TDRD7: variants seen among roughly 807,000 people sequenced by gnomAD.
TDRD7 encodes tudor domain containing 7, also known as tudor domain-containing protein 7.
A neutral mutation model predicts 109.8 loss-of-function variants in TDRD7; 47 were observed. That is an observed-to-expected ratio of 0.43 (90% CI 0.34 to 0.55). The LOEUF is 0.55. Among genes scored for constraint, TDRD7 ranks in the 20% least tolerant of loss-of-function variants. The pLI is 0.03. For synonymous variants in TDRD7, 424 were observed against 457.3 expected (o/e 0.93, Z 0.93); for missense variants, 1,164 against 1,319.2 (o/e 0.88, Z 1.82).
chr9:97,423,763 A>G (rs1827936925), intron 1 of TDRD7, among the ~76,000 whole-genome samples: 1 of 151,954 alleles, frequency 6.6e-6, no homozygotes, highest in African/African-American at 2.4e-5. Flanking sequence ...TTTCTCTTTG[A>G]CCCTTGGTTA....
At chr9:97,430,725 G>A (rs1828089375) in intron 2 of TDRD7, among the ~76,000 whole-genome samples, 1 of 152,154 alleles carries the variant, frequency 6.6e-6, no homozygotes, top group Non-Finnish European at 1.5e-5. Flanking sequence ...GTTTAGGAAA[G>A]ATAATTCAAT....
intron 7 of TDRD7, among the ~76,000 whole-genome samples, chr9:97,461,514 C>T (rs535739279): frequency 1.3e-5 from 2 of 152,178 alleles, no homozygotes; most frequent in South Asian, 2.1e-4. Flanking sequence ...CTTTCAGTAT[C>T]GTTGCCTGAG....
rs887898280 is a variant in TDRD7 at position 97,460,511 on chromosome 9, C to A, written c.1189C>A (p.Pro397Thr). The A allele has an allele frequency of 1.2e-6, 2 of 1,614,206 alleles. No homozygotes were observed. Among genetic ancestry groups the A allele is most frequent in the Non-Finnish European group, 1.7e-6 (2 of 1,180,046 alleles). Residue 397 changes from proline to threonine, a missense_variant, in exon 7 of 17, where the codon CCC becomes ACC. By Grantham distance (38) the Pro-to-Thr change is conservative. Transcript: ENST00000355295. ...VCSIDYISGNPQKAILYAKLP... is the reference protein window; with the variant it reads ...VCSIDYISGNTQKAILYAKLP... Reference sequence around the variant, plus strand: ...CAGCATAGACTACATTTCTGGAAATCCCCAGAAGGCCATTCTCTATGCTAA... The same window carrying A: ...CAGCATAGACTACATTTCTGGAAATACCCAGAAGGCCATTCTCTATGCTAA...
chr9:97,424,403 T>A (rs1206049653), intron 1 of TDRD7, among the ~76,000 whole-genome samples: 1 of 152,176 alleles, frequency 6.6e-6, no homozygotes, highest in African/African-American at 2.4e-5. Flanking sequence ...CTACTGGTTC[T>A]ATCTATTGAC....
intron 6 of TDRD7, among the ~76,000 whole-genome samples, chr9:97,443,218 A>G (rs1828343048): frequency 6.6e-6 from 1 of 152,164 alleles, no homozygotes; most frequent in African/African-American, 2.4e-5. Flanking sequence ...GTGCACTTGC[A>G]TGTGCTAATT....
intron 6 of TDRD7, among the ~76,000 whole-genome samples, chr9:97,449,492 A>T (rs1402377332): frequency 6.6e-6 from 1 of 152,206 alleles, no homozygotes; most frequent in African/African-American, 2.4e-5. Flanking sequence ...TCAGGCAAAC[A>T]GTTATATTTA....
In TDRD7 at chr9:97,441,616, G is replaced by A. The variant is rs760991285; in HGVS notation, c.638-42G>A. The stretch of plus-strand genomic sequence containing the variant: ...TTAGGTAATGGGGATAATCTAAAAT[G>A]TTAAGCATTTTGGTTAATTCTATTA... On this transcript the variant is annotated intron_variant, in intron 5 of 16. Coordinates refer to ENST00000355295, the MANE Select transcript of TDRD7 (RefSeq NM_014290.3). The A allele has an allele frequency of 6.9e-5, 103 of 1,500,432 alleles. 1 individual carries two copies. Among genetic ancestry groups the A allele is most frequent in the Non-Finnish European group, 8.9e-5 (98 of 1,097,492 alleles). The allele number at this position is 1,500,432 out of a possible 1,614,324, so 92.9% of individuals were successfully genotyped here.
rs78820996 is a variant in TDRD7, at chr9:97,482,925, G to A, written c.2489G>A (p.Arg830His). Reference protein sequence around the residue: ...FTPKNFPDPHRSINRQITNAD... With the variant: ...FTPKNFPDPHHSINRQITNAD... ...CCTAAGAACTTCCCTGACCCTCATC[G>A]CAGTATTAATCGCCAGATTACAAAT... The change falls in exon 15 of 17, where the codon CGC becomes CAC. Residue 830 changes from arginine (R) to histidine (H), a missense_variant. Arg to His is a conservative substitution (Grantham distance 29, BLOSUM62 0). Around this residue, in one of 5 missense-constraint regions of TDRD7, gnomAD observed 233 missense variants for 218.0 expected, o/e 1.07. Coordinates refer to ENST00000355295, the MANE Select transcript of TDRD7 (RefSeq NM_014290.3). The A allele has an allele frequency of 1.2e-3, 1,917 of 1,614,102 alleles. 25 individuals are homozygous for A. In the African/African-American group the frequency reaches 0.022, roughly 19 times the overall value.
At chr9:97,433,033 A>T (rs1828131894) in intron 4 of TDRD7, among the ~76,000 whole-genome samples, 1 of 152,198 alleles carries the variant, frequency 6.6e-6, no homozygotes, top group Non-Finnish European at 1.5e-5. Context: ...CCCTTTACAG[A>T]AAAAGGTTGC....
intron 1 of TDRD7, among the ~76,000 whole-genome samples, chr9:97,421,259 T>A (rs946062536): frequency 2.0e-5 from 3 of 152,238 alleles, no homozygotes; most frequent in African/African-American, 7.2e-5. Flanking sequence ...GTCAGTTTTT[T>A]AAAAAATTAA....
chr9:97,438,540 G>A (rs368395931), intron 4 of TDRD7, among the ~76,000 whole-genome samples: 9 of 152,178 alleles, frequency 5.9e-5, no homozygotes, highest in East Asian at 5.8e-4. Context: ...AAACAATTAA[G>A]ACACTTAGAG....
At chr9:97,472,207 A>G in intron 9 of TDRD7, 86 bp from the exon 10 acceptor site, 6 of 1,223,642 alleles carry the variant, frequency 4.9e-6, no homozygotes, top group Non-Finnish European at 7.2e-6. Flanking sequence ...TAATTTTAAT[A>G]ATGGTCAAAA....
Position 97,460,449 on chromosome 9 carries a change from A to G in TDRD7, c.1127A>G (p.Asp376Gly), listed in dbSNP as rs771147038. 1 of 1,614,214 alleles carries G rather than the reference A, an allele frequency of 6.2e-7. No individual in the cohort carries two copies. Among genetic ancestry groups the G allele is most frequent in the Non-Finnish European group, 8.5e-7 (1 of 1,180,042 alleles). The change falls in exon 7 of 17, where the codon GAT becomes GGT. Residue 376 changes from aspartate (D) to glycine (G), a missense_variant. By Grantham distance (94) the Asp-to-Gly change is moderately conservative. This residue lies in a region of TDRD7 where 407 missense variants were observed against 394.0 expected (regional missense o/e 1.03). Transcript: ENST00000355295. ...EEMYKVKFPE[D>G]ALKNLASLSD... ...ATGTACAAAGTGAAATTCCCTGAGG[A>G]TGCCTTAAAAAATCTTGCCTCACTT...
intron 1 of TDRD7, among the ~76,000 whole-genome samples, chr9:97,414,719 C>A (rs532496568): frequency 7.8e-4 from 119 of 152,248 alleles, no homozygotes; most frequent in African/African-American, 2.8e-3. Flanking sequence ...CTGAAAAAAA[C>A]TCTTAAGGAA....
At chr9:97,476,103 G>A (rs1413081193) in intron 12 of TDRD7, among the ~76,000 whole-genome samples, 4 of 152,150 alleles carry the variant, frequency 2.6e-5, no homozygotes, top group Non-Finnish European at 5.9e-5. Flanking sequence ...TATTGGGAAT[G>A]CATATCTTCA....
intron 7 of TDRD7, among the ~76,000 whole-genome samples, chr9:97,461,547 A>G (rs1828724889): frequency 6.6e-6 from 1 of 152,262 alleles, no homozygotes; most frequent in African/African-American, 2.4e-5. Context: ...TGCCTAAGGC[A>G]TCATTGCCTA....
intron 7 of TDRD7, among the ~76,000 whole-genome samples, chr9:97,461,604 C>T (rs1282685901): frequency 6.6e-6 from 1 of 152,236 alleles, no homozygotes; most frequent in South Asian, 2.1e-4. Flanking sequence ...CAGCTCCAGG[C>T]ACCTGTCTTG....
chr9:97,426,389 C>T (rs917484060), intron 1 of TDRD7, among the ~76,000 whole-genome samples: 7 of 152,014 alleles, frequency 4.6e-5, no homozygotes, highest in African/African-American at 1.4e-4. Flanking sequence ...GTAGCTGGGA[C>T]TATAGACATA....
chr9:97,485,197 A>G (rs932147885), intron 15 of TDRD7, among the ~76,000 whole-genome samples: 1 of 152,222 alleles, frequency 6.6e-6, no homozygotes, highest in Admixed American at 6.5e-5. Flanking sequence ...AGCGGTTTCC[A>G]AATCTATCGC....
Sources: allele counts gnomAD v4.1 joint callset (sites outside exome capture counted in the v4.1 genomes callset), GRCh38; gene constraint gnomAD v4.1.1; regional missense constraint gnomAD v4.1.1; transcripts MANE v1.5; gene names NCBI Gene and HGNC (gene_info 2026-07-23, HGNC 2026-07-21).